Variants in ARPP21 observed in about 807,000 individuals in gnomAD.
The protein encoded by ARPP21 is cAMP regulated phosphoprotein 21.
ARPP21 carries 69 observed loss-of-function variants against 113.2 expected under a neutral mutation model. That is an observed-to-expected ratio of 0.61 (90% CI 0.50 to 0.74). ARPP21 has a LOEUF of 0.74. Among genes scored for constraint, ARPP21 ranks in the 30% least tolerant of loss-of-function variants. The pLI is 0.00. For missense variants in ARPP21, 1,070 were observed against 1,037.4 expected, an observed-to-expected ratio of 1.03 and a Z score of -0.43; for synonymous variants, 368 against 375.5, an observed-to-expected ratio of 0.98 and a Z score of 0.23.
chr3:35,790,795 A>G (rs1327349462), intron 19 of ARPP21, among the ~76,000 whole-genome samples: 1 of 152,238 alleles, frequency 6.6e-6, no homozygotes, highest in East Asian at 1.9e-4. Flanking sequence ...TATATTCGTA[A>G]TATGTGGTGT....
At chr3:35,746,761 A>G (rs2095081467) in intron 19 of ARPP21, among the ~76,000 whole-genome samples, 1 of 152,210 alleles carries the variant, frequency 6.6e-6, no homozygotes, top group African/African-American at 2.4e-5. Flanking sequence ...CTTAATCTTT[A>G]TTTAATTGCA....
chr3:35,670,853 C>T (rs2076170360), intron 1 of ARPP21, among the ~76,000 whole-genome samples: 1 of 152,160 alleles, frequency 6.6e-6, no homozygotes, highest in Non-Finnish European at 1.5e-5. Context: ...TCCTGCTCTG[C>T]ACTAAACAAC....
intron 5 of ARPP21, chr3:35,685,629 A>T: frequency 1.0e-6 from 1 of 985,216 alleles, no homozygotes; most frequent in Non-Finnish European, 1.2e-6. Flanking sequence ...TTCATTTTCC[A>T]GTGTGGGAAA....
In ARPP21 at chr3:35,790,864, T is replaced by C. The variant is rs543368277; in HGVS notation, c.2138-1518T>C. On this transcript the variant is annotated intron_variant, in intron 19 of 20. Coordinates refer to ENST00000684406, the MANE Select transcript of ARPP21 (RefSeq NM_001385562.1). ...AAACCACTATGAAGATAATTTAGGG[T>C]AATAAGAATGTAAAACAATGGGACA... Among the ~76,000 whole-genome samples, 182 of 152,270 alleles carry C rather than the reference T, an allele frequency of 1.2e-3. 1 individual carries two copies. Among genetic ancestry groups the C allele is most frequent in the African/African-American group, 4.3e-3 (177 of 41,548 alleles).
chr3:35,787,394 A>G (rs900459965), intron 19 of ARPP21, among the ~76,000 whole-genome samples: 1 of 152,234 alleles, frequency 6.6e-6, no homozygotes, highest in Non-Finnish European at 1.5e-5. Flanking sequence ...CAGAATAAAT[A>G]TAGTCTCTTC....
chr3:35,727,626 A>C (rs1220864959), intron 14 of ARPP21, among the ~76,000 whole-genome samples: 4 of 152,200 alleles, frequency 2.6e-5, no homozygotes, highest in African/African-American at 9.7e-5. Context: ...AATACATAAG[A>C]ATGCATTTTT....
chr3:35,748,755 T>C (rs1417444279), intron 19 of ARPP21, among the ~76,000 whole-genome samples: 1 of 152,236 alleles, frequency 6.6e-6, no homozygotes, highest in African/African-American at 2.4e-5. Context: ...TGTGTTGCTA[T>C]GGTTTTGTTC....
At chr3:35,669,097 G>A (rs528289241) in intron 1 of ARPP21, among the ~76,000 whole-genome samples, 1 of 151,862 alleles carries the variant, frequency 6.6e-6, no homozygotes, top group East Asian at 1.9e-4. Flanking sequence ...TCATATATTT[G>A]CAGGAGAGTT....
chr3:35,690,250 T>A lies in ARPP21; in HGVS notation c.545+110T>A, dbSNP rs115603315. The A allele has an allele frequency of 1.6e-3, 1,058 of 666,278 alleles. 12 individuals carry two copies. The African/African-American group carries it at 0.017, about 11-fold the overall frequency. 41.3% of individuals were successfully genotyped at this position (666,278 alleles called of 1,614,324 possible). A position where few individuals can be genotyped will look rare whatever the true frequency, so the allele number is the denominator to read the frequency against. On this transcript the variant is annotated intron_variant, in intron 8 of 20. Coordinates refer to ENST00000684406, the MANE Select transcript of ARPP21 (RefSeq NM_001385562.1). ...GGGATAGACAAAACATTGTTTAATATGTTCCTTGATTTGTTAAATGGAGAC... is the reference window on the plus strand; with the variant it reads ...GGGATAGACAAAACATTGTTTAATAAGTTCCTTGATTTGTTAAATGGAGAC...
At chr3:35,791,618 T>TA (rs926019028) in intron 19 of ARPP21, among the ~76,000 whole-genome samples, 4 of 151,814 alleles carry the variant, frequency 2.6e-5, no homozygotes, top group African/African-American at 9.7e-5. Flanking sequence ...CCTAAAAAAA[T>TA]AAAAAAAGAC....
At chr3:35,728,306 C>T (rs1262619144) in intron 14 of ARPP21, among the ~76,000 whole-genome samples, 1 of 148,972 alleles carries the variant, frequency 6.7e-6, no homozygotes, top group Non-Finnish European at 1.5e-5. Context: ...GCAACCTCCA[C>T]CTCCCAGGTT....
At chr3:35,732,248 C>G (rs1450212238) in intron 15 of ARPP21, among the ~76,000 whole-genome samples, 2 of 152,154 alleles carry the variant, frequency 1.3e-5, no homozygotes, top group Non-Finnish European at 2.9e-5. Flanking sequence ...CTTCCTTTGT[C>G]AGCACAATTG....
At chr3:35,765,092 G>A (rs554173907) in intron 19 of ARPP21, among the ~76,000 whole-genome samples, 22 of 152,090 alleles carry the variant, frequency 1.4e-4, no homozygotes, top group African/African-American at 3.4e-4. Flanking sequence ...AAAATTATCC[G>A]TTTTAAGTAA....
At chr3:35,675,798 AGATGATGATGATGATGAT>A in intron 1 of ARPP21, among the ~76,000 whole-genome samples, 1 of 149,354 alleles carries the variant, frequency 6.7e-6, no homozygotes, top group East Asian at 2.0e-4. Flanking sequence ...GCTAAGATGA[AGATGATGATGATGATGAT>A]GATGATGATG....
chr3:35,738,416 C>A (rs549729480), intron 17 of ARPP21, 98 bp downstream of exon 17: 4 of 962,254 alleles, frequency 4.2e-6, no homozygotes, highest in African/African-American at 3.2e-5. Flanking sequence ...GGGGTGGGTG[C>A]CCTGGGCTGA....
chr3:35,687,678 A>G, intron 5 of ARPP21, 61 bp from the exon 6 acceptor site: 1 of 1,488,866 alleles, frequency 6.7e-7, no homozygotes, highest in Non-Finnish European at 9.1e-7. Flanking sequence ...TCTATGCAAA[A>G]TGGGAGCCAG....
chr3:35,676,401 C>T (rs2077485027), intron 1 of ARPP21, among the ~76,000 whole-genome samples: 1 of 70,962 alleles, frequency 1.4e-5, no homozygotes, highest in African/African-American at 5.1e-5. Flanking sequence ...AAATGTCAGG[C>T]TCTTAGATTA....
intron 11 of ARPP21, among the ~76,000 whole-genome samples, chr3:35,712,087 C>T (rs12152230): frequency 0.48 from 72,876 of 151,924 alleles, 18,318 homozygotes; most frequent in East Asian, 0.8. Flanking sequence ...TTAGGGGACC[C>T]TCATCTAGTA....
In ARPP21 at chr3:35,768,594, C is replaced by T. The variant is rs369058607; in HGVS notation, c.2138-23788C>T. Among the ~76,000 whole-genome samples, 14 of 152,236 alleles carry T rather than the reference C, an allele frequency of 9.2e-5. No homozygotes were observed. In the East Asian group the frequency reaches 2.1e-3, roughly 23 times the overall value. On this transcript the variant is annotated intron_variant, in intron 19 of 20. Coordinates refer to ENST00000684406, the MANE Select transcript of ARPP21 (RefSeq NM_001385562.1). ...ATATACAACAAAAGGAGCATTACTT[C>T]GTGTATGATTGCTTCTATAAGGAAT...
Sources: allele counts gnomAD v4.1 joint callset (sites outside exome capture counted in the v4.1 genomes callset), GRCh38; gene constraint gnomAD v4.1.1; transcripts MANE v1.5; gene names NCBI Gene and HGNC (gene_info 2026-07-23, HGNC 2026-07-21).